MIR2052HG: variants seen among roughly 807,000 people sequenced by gnomAD.
MIR2052HG encodes the protein MIR2052 host gene.
chr8:74,710,068 A>C (rs1174842130), intron 4 of MIR2052HG, among the ~76,000 whole-genome samples: 1 of 152,170 alleles, frequency 6.6e-6, no homozygotes, highest in Non-Finnish European at 1.5e-5. Context: ...TATGTTCATA[A>C]TGATAAATTC....
chr8:74,634,096 A>G (rs1808552442), intron 2 of MIR2052HG, among the ~76,000 whole-genome samples: 1 of 152,202 alleles, frequency 6.6e-6, no homozygotes, highest in African/African-American at 2.4e-5. Flanking sequence ...TCATTTTACT[A>G]TCTATTCTAA....
At chr8:74,602,869 C>CTTTCTTTCTTTCTTTCTTTCTTTCTTTCT (rs1563508663) in intron 1 of MIR2052HG, among the ~76,000 whole-genome samples, 1 of 147,484 alleles carries the variant, frequency 6.8e-6, no homozygotes, top group Non-Finnish European at 1.5e-5. Context: ...TTCTTTCTTT[C>CTTTCTTTCTTTCTTTCTTTCTTTCTTTCT]TTTCTTTTTT....
chr8:74,738,141 C>G (rs937247701), intron 4 of MIR2052HG, among the ~76,000 whole-genome samples: 1 of 151,400 alleles, frequency 6.6e-6, no homozygotes, highest in Non-Finnish European at 1.5e-5. Context: ...ATGTATCTAT[C>G]TATCTATCCA....
intron 4 of MIR2052HG, among the ~76,000 whole-genome samples, chr8:74,736,425 C>T (rs1260865187): frequency 2.0e-5 from 3 of 152,064 alleles, no homozygotes; most frequent in Non-Finnish European, 4.4e-5. Flanking sequence ...ATTTTCTTGG[C>T]AGTAAATATG....
rs747963285 is a variant in MIR2052HG, at chr8:74,600,227, C to T, written n.128+319C>T. ...CTGGGAGCTGTAGACTGGAGCTGTTCCTATTCGGCCATCTTGGCTCCTCCC... is the reference window on the plus strand; with the variant it reads ...CTGGGAGCTGTAGACTGGAGCTGTTTCTATTCGGCCATCTTGGCTCCTCCC... On this transcript the variant is annotated intron_variant and non_coding_transcript_variant, in intron 1 of 6. Coordinates refer to ENST00000523442, the Ensembl canonical transcript of MIR2052HG. 6.3e-4 allele frequency among the ~76,000 whole-genome samples: 96 copies of T among 152,142 alleles called. 1 individual carries two copies. The highest frequency in any genetic ancestry group is 1.7e-3 in the Admixed American group (26 of 15,284).
intron 4 of MIR2052HG, among the ~76,000 whole-genome samples, chr8:74,712,714 T>A (rs1809482366): frequency 6.6e-6 from 1 of 151,566 alleles, no homozygotes; most frequent in African/African-American, 2.4e-5. Flanking sequence ...TTTTTTTTTT[T>A]ATAAATCTAT....
At chr8:74,611,360 T>C (rs555296719) in intron 1 of MIR2052HG, among the ~76,000 whole-genome samples, 1 of 152,250 alleles carries the variant, frequency 6.6e-6, no homozygotes, top group African/African-American at 2.4e-5. Context: ...TCTTATATAC[T>C]GTTGGTGGAA....
At chr8:74,646,903 G>C (rs1808694296) in intron 2 of MIR2052HG, among the ~76,000 whole-genome samples, 1 of 151,978 alleles carries the variant, frequency 6.6e-6, no homozygotes, top group African/African-American at 2.4e-5. Flanking sequence ...ACTTCAGTCT[G>C]GGTAACAGAG....
intron 2 of MIR2052HG, among the ~76,000 whole-genome samples, chr8:74,657,988 T>C (rs1808824402): frequency 6.6e-6 from 1 of 152,186 alleles, no homozygotes; most frequent in African/African-American, 2.4e-5. Context: ...TGGTTCTCTT[T>C]TTGGCTCACA....
At chr8:74,730,904 A>G (rs1809685273) in intron 4 of MIR2052HG, among the ~76,000 whole-genome samples, 1 of 152,190 alleles carries the variant, frequency 6.6e-6, no homozygotes, top group African/African-American at 2.4e-5. Flanking sequence ...CAGTGGCCAG[A>G]CCTTCTGCTC....
intron 2 of MIR2052HG, among the ~76,000 whole-genome samples, chr8:74,666,992 C>G (rs2194901): frequency 0.66 from 100,783 of 152,022 alleles, 35,141 homozygotes; most frequent in African/African-American, 0.89. Flanking sequence ...TTCATCCTAG[C>G]GCCTTTCCTC....
chr8:74,712,066 T>C (rs567438589), intron 4 of MIR2052HG, among the ~76,000 whole-genome samples: 1 of 152,186 alleles, frequency 6.6e-6, no homozygotes, highest in Non-Finnish European at 1.5e-5. Context: ...CCAGATCACA[T>C]GAATTCAGAG....
chr8:74,674,026 T>A (rs1015788327), intron 2 of MIR2052HG, among the ~76,000 whole-genome samples: 2 of 151,028 alleles, frequency 1.3e-5, no homozygotes, highest in African/African-American at 4.9e-5. Flanking sequence ...AAGCAATTAG[T>A]CTCCATGCAA....
chr8:74,679,595 G>A (rs193070301), intron 2 of MIR2052HG, among the ~76,000 whole-genome samples: 4 of 150,194 alleles, frequency 2.7e-5, no homozygotes, highest in African/African-American at 7.4e-5. Flanking sequence ...TCACGATCTC[G>A]GCTTACTGCA....
chr8:74,748,503 A>G (rs1180533203), intron 4 of MIR2052HG, among the ~76,000 whole-genome samples: 6 of 152,202 alleles, frequency 3.9e-5, no homozygotes, highest in African/African-American at 1.4e-4. Flanking sequence ...GACAAATATT[A>G]TAATTCATGG....
intron 2 of MIR2052HG, among the ~76,000 whole-genome samples, chr8:74,663,812 C>A (rs759285997): frequency 6.6e-6 from 1 of 152,194 alleles, no homozygotes; most frequent in African/African-American, 2.4e-5. Context: ...TGAGTGTTCA[C>A]TAGTTTGGAT....
At chr8:74,715,201 A>G (rs1809508532) in intron 4 of MIR2052HG, among the ~76,000 whole-genome samples, 2 of 152,226 alleles carry the variant, frequency 1.3e-5, no homozygotes, top group African/African-American at 4.8e-5. Context: ...ACTGATGACT[A>G]AAACTGATAA....
chr8:74,666,704 C>T (rs141270416), intron 2 of MIR2052HG, among the ~76,000 whole-genome samples: 82 of 152,266 alleles, frequency 5.4e-4, no homozygotes, highest in African/African-American at 1.8e-3. Context: ...AAGATGGTGT[C>T]GAATTACCAT....
chr8:74,691,339 A>G (rs1809237357), intron 2 of MIR2052HG, among the ~76,000 whole-genome samples: 1 of 152,146 alleles, frequency 6.6e-6, no homozygotes, highest in Non-Finnish European at 1.5e-5. Flanking sequence ...AAGAAAGAGA[A>G]ATTGACCTGT....
Sources: gnomAD v4.1 joint callset for allele counts (sites outside exome capture counted in the v4.1 genomes callset) on GRCh38, gnomAD v4.1.1 for gene constraint, MANE v1.5 for transcripts, NCBI Gene and HGNC (gene_info 2026-07-23, HGNC 2026-07-21) for gene names.